RGS3: variants seen among roughly 807,000 people sequenced by gnomAD.
RGS3 encodes the protein regulator of G-protein signalling 3.
Under a neutral mutation model 132.6 loss-of-function variants are expected in RGS3, and 80 were observed. The observed-to-expected ratio is 0.60, with a 90% CI of 0.50 to 0.73. The LOEUF is 0.73. RGS3 is among the 30% of genes least tolerant of loss of function. RGS3 has a pLI of 0.00. For missense variants in RGS3, 1,382 were observed against 1,530.8 expected (o/e 0.90, Z 1.62); for synonymous variants, 598 against 620.6 (o/e 0.96, Z 0.54).
intron 19 of RGS3, among the ~76,000 whole-genome samples, chr9:113,553,441 T>TAAAA (rs66536651): frequency 0.033 from 664 of 20,282 alleles, 34 homozygotes; most frequent in East Asian, 0.056. Flanking sequence ...AAACTCTGTT[T>TAAAA]AAAAAAAAAA....
chr9:113,596,788 G>A (rs758491530), exon 25 of RGS3: 12 of 1,611,992 alleles, frequency 7.4e-6, no homozygotes, highest in East Asian at 6.7e-5. Context: ...ACTCCTACAC[G>A]CGGGAGCACA....
rs772185405 is a variant in RGS3, at chr9:113,595,586, G to A, written c.3245-13G>A. On this transcript the variant is annotated splice_polypyrimidine_tract_variant and intron_variant, in intron 23 of 24. Coordinates refer to ENST00000350696, the Ensembl canonical transcript of RGS3. Reference sequence around the variant, plus strand: ...GAGTTTGCCTCTTACCCCAGGATCCGTTCTCCTCACAGACGGGTTAGCAGT... The same window carrying A: ...GAGTTTGCCTCTTACCCCAGGATCCATTCTCCTCACAGACGGGTTAGCAGT... 17 of 1,612,472 alleles carry A rather than the reference G, an allele frequency of 1.1e-5. No homozygotes were observed. Among genetic ancestry groups the A allele is most frequent in the Admixed American group, 3.3e-5 (2 of 59,962 alleles).
chr9:113,454,605 C>CA (rs772507826), intron 1 of RGS3, among the ~76,000 whole-genome samples: 1 of 146,322 alleles, frequency 6.8e-6, no homozygotes, highest in Non-Finnish European at 1.5e-5. Context: ...GAGACAGTAT[C>CA]AAAAAAACAA....
chr9:113,573,642 G>T (rs1834382407), intron 19 of RGS3, among the ~76,000 whole-genome samples: 1 of 152,212 alleles, frequency 6.6e-6, no homozygotes, highest in African/African-American at 2.4e-5. Flanking sequence ...CACGCTTCTA[G>T]CTCTCCCCAC....
At chr9:113,505,551 C>T (rs772876058) in intron 11 of RGS3, 28 bp downstream of exon 9, 1 of 1,571,252 alleles carries the variant, frequency 6.4e-7, no homozygotes. Context: ...GGATGCCAAC[C>T]CCACTTGCCC....
intron 20 of RGS3, among the ~76,000 whole-genome samples, chr9:113,589,585 G>A (rs1464867566): frequency 5.3e-5 from 8 of 152,180 alleles, no homozygotes; most frequent in Non-Finnish European, 1.0e-4. Flanking sequence ...GATAAAGTAC[G>A]GAAGCTGAGG....
At chr9:113,505,463 G>A in exon 11 of RGS3, 2 of 1,614,172 alleles carry the variant, frequency 1.2e-6, no homozygotes, top group Non-Finnish European at 1.7e-6. Context: ...GAGGGGAAAG[G>A]ACGGCTTTGG....
intron 1 of RGS3, among the ~76,000 whole-genome samples, chr9:113,447,329 GTATATATA>G (rs60991619): frequency 0.098 from 2,711 of 27,602 alleles, 397 homozygotes; most frequent in Admixed American, 0.15. Flanking sequence ...GTATGTATAT[GTATATATA>G]TATATATATA....
intron 7 of RGS3, among the ~76,000 whole-genome samples, chr9:113,486,218 G>A (rs2119235686): frequency 6.6e-6 from 1 of 152,344 alleles, no homozygotes; most frequent in East Asian, 1.9e-4. Flanking sequence ...ACTGTGGTCT[G>A]AGATGATCAA....
At chr9:113,528,339 G>A (rs1242732516) in intron 17 of RGS3, among the ~76,000 whole-genome samples, 4 of 152,176 alleles carry the variant, frequency 2.6e-5, no homozygotes, top group Non-Finnish European at 4.4e-5. Context: ...TGGCTGCAGT[G>A]GGCAGGGCAG....
intron 19 of RGS3, among the ~76,000 whole-genome samples, chr9:113,572,138 G>C (rs1834317647): frequency 6.6e-6 from 1 of 152,138 alleles, no homozygotes; most frequent in African/African-American, 2.4e-5. Context: ...TGGCTGGAGG[G>C]AAAAGAGGAG....
At chr9:113,518,800 A>G (rs557587754) in intron 16 of RGS3, among the ~76,000 whole-genome samples, 1 of 152,124 alleles carries the variant, frequency 6.6e-6, no homozygotes, top group Non-Finnish European at 1.5e-5. Context: ...GTGGGAGTAA[A>G]ACTTCATCTG....
chr9:113,470,834 G>A (rs1288956455), intron 3 of RGS3, among the ~76,000 whole-genome samples: 2 of 152,134 alleles, frequency 1.3e-5, no homozygotes, highest in Non-Finnish European at 1.5e-5. Context: ...GCATGATGGT[G>A]TGCACCTGTG....
chr9:113,559,975 A>G (rs928262053), intron 19 of RGS3, among the ~76,000 whole-genome samples: 1 of 152,202 alleles, frequency 6.6e-6, no homozygotes, highest in African/African-American at 2.4e-5. Context: ...GGCATTCCAC[A>G]TACACCACGT....
chr9:113,484,740 A>G (rs1237477971), intron 6 of RGS3, among the ~76,000 whole-genome samples: 1 of 152,198 alleles, frequency 6.6e-6, no homozygotes, highest in African/African-American at 2.4e-5. Context: ...ACAGGGTACC[A>G]GCTATTATTG....
At chr9:113,582,264 T>G (rs1396162297) in intron 19 of RGS3, 5 of 905,306 alleles carry the variant, frequency 5.5e-6, no homozygotes, top group African/African-American at 1.8e-5. Context: ...GCCTTTGGGC[T>G]CAGTTTTCTC....
At chr9:113,475,962 C>T (rs919456821) in intron 3 of RGS3, among the ~76,000 whole-genome samples, 9 of 151,666 alleles carry the variant, frequency 5.9e-5, no homozygotes, top group African/African-American at 1.7e-4. Flanking sequence ...ACAGGTCTCA[C>T]GCTGTTCCCC....
At chr9:113,474,567 C>T (rs1829932302) in intron 3 of RGS3, among the ~76,000 whole-genome samples, 1 of 152,166 alleles carries the variant, frequency 6.6e-6, no homozygotes, top group Non-Finnish European at 1.5e-5. Context: ...TGGGCACCCT[C>T]CCTCCTGCGA....
At chr9:113,447,634 A>C (rs1390910551) in intron 1 of RGS3, among the ~76,000 whole-genome samples, 1 of 151,662 alleles carries the variant, frequency 6.6e-6, no homozygotes, top group Non-Finnish European at 1.5e-5. Flanking sequence ...TTCATTCCTC[A>C]AATATTTATT....
Sources: gnomAD v4.1 joint callset for allele counts (sites outside exome capture counted in the v4.1 genomes callset) on GRCh38, gnomAD v4.1.1 for gene constraint, MANE v1.5 for transcripts, NCBI Gene and HGNC (gene_info 2026-07-23, HGNC 2026-07-21) for gene names.